Variants in DICER1 observed in about 807,000 individuals in gnomAD.
DICER1 encodes dicer 1, ribonuclease III.
Under a neutral mutation model 194.1 loss-of-function variants are expected in DICER1, and 43 were observed. That is an observed-to-expected ratio of 0.22 (90% CI 0.17 to 0.29). DICER1 has a LOEUF of 0.29. DICER1 is among the 10% of genes least tolerant of loss of function. DICER1 has a pLI of 1.00. For missense variants in DICER1, 1,608 were observed against 2,317.0 expected, an observed-to-expected ratio of 0.69 and a Z score of 6.28; for synonymous variants, 832 against 820.5, an observed-to-expected ratio of 1.01 and a Z score of -0.24.
rs866497508 is a variant in DICER1 at position 95,105,608 on chromosome 14, C to A, written c.3093+70G>T. ...GCATTTAACTTGGTAAGATAAAATTCAAACTTATCTTTAATAATCTTTAAT... is the reference window on the plus strand; with the variant it reads ...GCATTTAACTTGGTAAGATAAAATTAAAACTTATCTTTAATAATCTTTAAT... On this transcript the variant is annotated intron_variant, in intron 19 of 26. Transcript: ENST00000343455. The surrounding 1 kb of genome is among the most constrained non-coding windows in gnomAD (Gnocchi z 4.9). 4.2e-6 allele frequency: 5 copies of A among 1,189,168 alleles called. No individual in the cohort carries two copies. The African/African-American group carries it at 4.6e-5, about 11-fold the overall frequency. The allele number at this position is 1,189,168 out of a possible 1,614,324, so 73.7% of individuals were successfully genotyped here.
intron 1 of DICER1, among the ~76,000 whole-genome samples, chr14:95,156,555 C>G (rs543493323): frequency 5.9e-5 from 9 of 152,360 alleles, no homozygotes; most frequent in East Asian, 1.9e-4. Context: ...CTACAGAAAT[C>G]TGATGTGCTA....
chr14:95,098,099 A>T (rs1469182275), intron 22 of DICER1, among the ~76,000 whole-genome samples: 1 of 152,174 alleles, frequency 6.6e-6, no homozygotes, highest in Non-Finnish European at 1.5e-5. Flanking sequence ...AGAGCACAAA[A>T]ATCACAAAGG....
Position 95,129,743 on chromosome 14 carries a change from ATTTG to A in DICER1, c.574-115_574-112del, listed in dbSNP as rs1447309135. On this transcript the variant is annotated intron_variant, in intron 5 of 26. Transcript: ENST00000343455. ...AATCACTAACAAATAGTAAAAAAGA[ATTTG>A]TTTGGTGGAAATGCCACTATACCAA... 8.2e-5 allele frequency: 88 copies of A among 1,078,466 alleles called. No individual in the cohort carries two copies. In the South Asian group the frequency reaches 8.9e-4, roughly 11 times the overall value. 66.8% of individuals were successfully genotyped at this position (1,078,466 alleles called of 1,614,324 possible).
At position 95,089,200 on chromosome 14, in the gene DICER1, G is replaced by GTT. The variant is rs578164776; in HGVS notation, c.*1296_*1297dup. On this transcript the variant is annotated 3_prime_UTR_variant, in exon 27 of 27. Transcript: ENST00000343455. ...GAAACTTAGGCAAATGCCTAAAGAA[G>GTT]TTTTTTTTTTTTTCCTTTTCCAAAG... is the stretch of plus-strand genomic sequence containing the variant. 44 of 209,856 alleles carry GTT rather than the reference G, an allele frequency of 2.1e-4. No homozygotes were observed. Among genetic ancestry groups the GTT allele is most frequent in the South Asian group, 7.7e-4 (4 of 5,184 alleles). The allele number at this position is 209,856 out of a possible 1,614,324, so 13.0% of individuals were successfully genotyped here.
chr14:95,133,379 A>G lies in DICER1; in HGVS notation c.80T>C (p.Phe27Ser). The G allele has an allele frequency of 1.2e-6, 2 of 1,614,166 alleles. No homozygotes were observed. The highest frequency in any genetic ancestry group is 1.7e-6 in the Non-Finnish European group (2 of 1,180,002). Residue 27 changes from phenylalanine to serine, a missense_variant, in exon 2 of 27, where the codon TTC becomes TCC. Phe to Ser is a radical substitution (Grantham distance 155). Transcript: ENST00000343455. ...TTCTTGTTGCCATGGCAGTCCAAAGAAAGGACCCATTGGTGAGGAAGCAGG... is the reference window on the plus strand; with the variant it reads ...TTCTTGTTGCCATGGCAGTCCAAAGGAAGGACCCATTGGTGAGGAAGCAGG... ...MTPASSPMGP[F>S]FGLPWQQEAI...
At chr14:95,113,362 T>C in intron 11 of DICER1, 138 bp from the exon 12 acceptor site, 4 of 846,950 alleles carry the variant, frequency 4.7e-6, no homozygotes, top group Non-Finnish European at 7.7e-6. Flanking sequence ...ACTTTACTGC[T>C]TCAAACTTCG....
Position 95,107,955 on chromosome 14 carries a change from G to A in DICER1, c.2575C>T (p.Arg859Trp), listed in dbSNP as rs144649926. 1.9e-6 allele frequency: 3 copies of A among 1,613,866 alleles called. No homozygotes were observed. Among genetic ancestry groups the A allele is most frequent in the East Asian group, 2.2e-5 (1 of 44,824 alleles). Residue 859 changes from arginine (R) to tryptophan (W), a missense_variant, in exon 16 of 27, where the codon CGG becomes TGG. Arg to Trp is a moderately radical substitution (Grantham distance 101). Around this residue, in one of 10 missense-constraint regions of DICER1, gnomAD observed 150 missense variants for 216.0 expected, o/e 0.69. Coordinates refer to ENST00000343455, the MANE Select transcript of DICER1 (RefSeq NM_177438.3). Reference sequence around the variant, plus strand: ...AATTCTAGTGCAGGTTTTTCAAGCCGAAGAATATGTGAGAATATATACTGG... The same window carrying A: ...AATTCTAGTGCAGGTTTTTCAAGCCAAAGAATATGTGAGAATATATACTGG... Reference protein sequence around the residue: ...LHQYIFSHILRLEKPALEFKP... With the variant: ...LHQYIFSHILWLEKPALEFKP...
chr14:95,142,671 A>C (rs191547876), intron 1 of DICER1, among the ~76,000 whole-genome samples: 3 of 152,324 alleles, frequency 2.0e-5, no homozygotes, highest in Admixed American at 1.3e-4. Context: ...ATTCAAAGCT[A>C]ATAGGTCATT....
In DICER1 at chr14:95,096,379, G is replaced by A. The variant is rs2139848431; in HGVS notation, c.4541C>T (p.Pro1514Leu). 1.9e-6 allele frequency: 3 copies of A among 1,614,146 alleles called. No individual in the cohort carries two copies. The highest frequency in any genetic ancestry group is 2.5e-6 in the Non-Finnish European group (3 of 1,180,016). Residue 1514 changes from proline to leucine, a missense_variant, in exon 23 of 27, where the codon CCT becomes CTT. Pro to Leu is a moderately conservative substitution (Grantham distance 98, BLOSUM62 -3). Coordinates refer to ENST00000343455, the MANE Select transcript of DICER1 (RefSeq NM_177438.3). ...GTCATCTTCTTCAACAGCTTTGCTA[G>A]GATCCAGATAGCACATTGCATCCCA... ...SSWDAMCYLD[P>L]SKAVEEDDFV...
Position 95,124,525 on chromosome 14 carries a change from G to T in DICER1, c.1047C>A (p.Asp349Glu), listed in dbSNP as rs1381966696. The change falls in exon 8 of 27, where the codon GAC (aspartate) becomes GAA (glutamate). Residue 349 changes from aspartate (D) to glutamate (E), a missense_variant. Asp to Glu is a conservative substitution (Grantham distance 45). This residue lies in a region of DICER1 where 657 missense variants were observed against 910.1 expected (regional missense o/e 0.72). Coordinates refer to ENST00000343455, the MANE Select transcript of DICER1 (RefSeq NM_177438.3). The surrounding 1 kb of genome is among the most constrained non-coding windows in gnomAD (Gnocchi z 4.5). ...ELHRKFLLFT[D>E]TFLRKIHALC... The stretch of plus-strand genomic sequence containing the variant: ...GTGCATGTATTTTCCTTAGGAAAGT[G>T]TCTGTAAACAATAAAAATTTCCTGT... 1.2e-6 allele frequency: 2 copies of T among 1,613,918 alleles called. No homozygotes were observed. Among genetic ancestry groups the T allele is most frequent in the African/African-American group, 1.3e-5 (1 of 74,910 alleles).
intron 1 of DICER1, among the ~76,000 whole-genome samples, chr14:95,148,405 A>G (rs778826921): frequency 2.2e-4 from 33 of 152,180 alleles, no homozygotes; most frequent in Non-Finnish European, 4.4e-5. Flanking sequence ...CACTTTGGAG[A>G]TTCTAAGGAT....
chr14:95,157,685 GGA>G (rs1895990945), upstream of DICER1: 1 of 152,488 alleles, frequency 6.6e-6, no homozygotes, highest in Non-Finnish European at 1.5e-5. Flanking sequence ...CGCGGAGGCC[GGA>G]GAGGCGTTTG....
Position 95,087,589 on chromosome 14 carries a change from T to TACC in DICER1, c.*2906_*2908dup. 1 of 233,226 alleles carries TACC rather than the reference T, an allele frequency of 4.3e-6. No individual in the cohort carries two copies. The highest frequency in any genetic ancestry group is 8.5e-6 in the Non-Finnish European group (1 of 118,026). 14.4% of individuals were successfully genotyped at this position (233,226 alleles called of 1,614,324 possible). On this transcript the variant is annotated 3_prime_UTR_variant, in exon 27 of 27. Transcript: ENST00000343455. Reference sequence around the variant, plus strand: ...TTTCTTGAAATGAGGTAAAGCATGGTACCAAGTGCAATGCTTATCTGTGCT... The same window carrying TACC: ...TTTCTTGAAATGAGGTAAAGCATGGTACCACCAAGTGCAATGCTTATCTGTGCT...
At chr14:95,152,666 A>G (rs1248934718) in intron 1 of DICER1, among the ~76,000 whole-genome samples, 2 of 152,260 alleles carry the variant, frequency 1.3e-5, no homozygotes, top group Non-Finnish European at 2.9e-5. Flanking sequence ...GTTTTGTAGC[A>G]TCTTCTTAGT....
intron 25 of DICER1, 24 bp from the exon 26 acceptor site, chr14:95,091,133 T>C (rs1365602659): frequency 6.2e-7 from 1 of 1,613,728 alleles, no homozygotes; most frequent in African/African-American, 1.3e-5. Context: ...GAAAGAATAA[T>C]ATGAATAATA....
intron 11 of DICER1, among the ~76,000 whole-genome samples, chr14:95,113,599 C>T (rs768977315): frequency 2.0e-5 from 3 of 152,204 alleles, no homozygotes; most frequent in Non-Finnish European, 4.4e-5. Flanking sequence ...AGAAAACATA[C>T]TGCCAATGTT....
In DICER1 at chr14:95,129,463, A is replaced by G; in HGVS notation, c.734+9T>C. 6.2e-7 allele frequency: 1 copy of G among 1,613,238 alleles called. No homozygotes were observed. The highest frequency in any genetic ancestry group is 1.3e-5 in the African/African-American group (1 of 75,024). ...TCTCATTAAAGCTGAGTCAATCAGA[A>G]GTGCATACCTGTCTAAGACCACCAG... On this transcript the variant is annotated intron_variant, in intron 6 of 26. Coordinates refer to ENST00000343455, the MANE Select transcript of DICER1 (RefSeq NM_177438.3).
intron 1 of DICER1, among the ~76,000 whole-genome samples, chr14:95,141,355 G>T (rs1325441588): frequency 6.6e-6 from 1 of 152,126 alleles, no homozygotes; most frequent in African/African-American, 2.4e-5. Context: ...TTAAATTTGG[G>T]GTGGCTCTCT....
intron 6 of DICER1, among the ~76,000 whole-genome samples, chr14:95,127,443 T>A (rs938649028): frequency 6.6e-6 from 1 of 152,230 alleles, no homozygotes; most frequent in African/African-American, 2.4e-5. Context: ...TTTTCAGATT[T>A]TGGAATATTT....
Sources: allele counts gnomAD v4.1 joint callset (sites outside exome capture counted in the v4.1 genomes callset), GRCh38; gene constraint gnomAD v4.1.1; regional missense constraint gnomAD v4.1.1; non-coding constraint Gnocchi (gnomAD v3.1); transcripts MANE v1.5; gene names NCBI Gene and HGNC (gene_info 2026-07-23, HGNC 2026-07-21).